HS6ST3: variants seen among roughly 807,000 people sequenced by gnomAD.
The protein encoded by HS6ST3 is heparan-sulfate 6-O-sulfotransferase 3.
In HS6ST3, 12 loss-of-function variants were observed where a neutral mutation model predicts 36.7. That is an observed-to-expected ratio of 0.33 (90% CI 0.21 to 0.53). The LOEUF (loss-of-function observed/expected upper bound fraction) is 0.53. HS6ST3 is among the 20% of genes least tolerant of loss of function. The pLI, the probability that HS6ST3 is intolerant of heterozygous loss-of-function variation, is 0.95. For missense variants in HS6ST3, 584 were observed against 640.9 expected, an observed-to-expected ratio of 0.91 and a Z score of 0.96; for synonymous variants, 240 against 257.5, an observed-to-expected ratio of 0.93 and a Z score of 0.65.
At chr13:96,774,825 C>T (rs1392418019) in intron 1 of HS6ST3, among the ~76,000 whole-genome samples, 1 of 152,108 alleles carries the variant, frequency 6.6e-6, no homozygotes, top group Non-Finnish European at 1.5e-5. Flanking sequence ...TCAGGAAATA[C>T]AGGGAACACT....
At chr13:96,794,189 C>T (rs1877857379) in intron 1 of HS6ST3, among the ~76,000 whole-genome samples, 1 of 152,040 alleles carries the variant, frequency 6.6e-6, no homozygotes, top group African/African-American at 2.4e-5. Context: ...AATCCAGATG[C>T]TTTAATATCA....
intron 1 of HS6ST3, among the ~76,000 whole-genome samples, chr13:96,495,976 C>T (rs1477880315): frequency 6.6e-6 from 1 of 152,208 alleles, no homozygotes; most frequent in Admixed American, 6.5e-5. Context: ...GTTGTAATCA[C>T]CGCCTCAACC....
At chr13:96,667,037 G>A (rs1194463973) in intron 1 of HS6ST3, among the ~76,000 whole-genome samples, 32 of 152,080 alleles carry the variant, frequency 2.1e-4, no homozygotes, top group Admixed American at 1.8e-3. Flanking sequence ...TTCAAGCCAA[G>A]ATAAACACCA....
At chr13:96,109,279 A>G (rs2053857129) in intron 1 of HS6ST3, among the ~76,000 whole-genome samples, 1 of 152,020 alleles carries the variant, frequency 6.6e-6, no homozygotes, top group Non-Finnish European at 1.5e-5. Context: ...GCTGGGCCCT[A>G]GTGTCTGGAA....
chr13:96,679,191 G>A (rs1304223222), intron 1 of HS6ST3, among the ~76,000 whole-genome samples: 1 of 150,494 alleles, frequency 6.6e-6, no homozygotes, highest in Admixed American at 6.7e-5. Context: ...TCTTCAGGTG[G>A]TGGTTGGGTA....
intron 1 of HS6ST3, among the ~76,000 whole-genome samples, chr13:96,405,728 C>A (rs573386454): frequency 7.2e-5 from 11 of 152,270 alleles, no homozygotes; most frequent in Admixed American, 6.5e-4. Context: ...TGATTGTTTT[C>A]CTTGGTGCAA....
At chr13:96,191,921 A>G (rs1326888482) in intron 1 of HS6ST3, among the ~76,000 whole-genome samples, 1 of 152,216 alleles carries the variant, frequency 6.6e-6, no homozygotes, top group Non-Finnish European at 1.5e-5. Context: ...AGAGTCAGGC[A>G]TATGGAAAGA....
chr13:96,312,688 A>G (rs2054947457), intron 1 of HS6ST3, among the ~76,000 whole-genome samples: 2 of 152,304 alleles, frequency 1.3e-5, no homozygotes, highest in African/African-American at 4.8e-5. Context: ...ACAGTGGCTC[A>G]TGCCTGTAAT....
At chr13:96,200,158 G>T (rs767742510) in intron 1 of HS6ST3, among the ~76,000 whole-genome samples, 1 of 152,132 alleles carries the variant, frequency 6.6e-6, no homozygotes, top group African/African-American at 2.4e-5. Context: ...AAAATGTCTG[G>T]CATAGTTGGA....
chr13:96,808,726 T>A (rs1878253295), intron 1 of HS6ST3, among the ~76,000 whole-genome samples: 1 of 152,142 alleles, frequency 6.6e-6, no homozygotes, highest in Non-Finnish European at 1.5e-5. Flanking sequence ...TTGGAAAGCA[T>A]AATTTCAAAA....
chr13:96,420,029 A>C (rs1411280838), intron 1 of HS6ST3, among the ~76,000 whole-genome samples: 1 of 152,204 alleles, frequency 6.6e-6, no homozygotes, highest in African/African-American at 2.4e-5. Context: ...TCATTCATAA[A>C]AATCCTGTAT....
rs1878904985 is a variant in HS6ST3 at position 96,835,571 on chromosome 13, AG to A, written c.*2375del. 1 of 150,940 alleles carries A rather than the reference AG, an allele frequency of 6.6e-6. No individual in the cohort carries two copies. Among genetic ancestry groups the A allele is most frequent in the African/African-American group, 2.5e-5 (1 of 40,620 alleles). The allele number at this position is 150,940 out of a possible 1,614,324, so 9.4% of individuals were successfully genotyped here. A position where few individuals can be genotyped will look rare whatever the true frequency, so the allele number is the denominator to read the frequency against. ...GATCTAATGTTCTGCCTAGAATAGC[AG>A]GACTGCAAATTATCCTTCTGCCTGC... On this transcript the variant is annotated 3_prime_UTR_variant, in exon 2 of 2. Transcript: ENST00000376705.
chr13:96,582,917 C>T (rs2056346931), intron 1 of HS6ST3, among the ~76,000 whole-genome samples: 1 of 151,890 alleles, frequency 6.6e-6, no homozygotes, highest in Admixed American at 6.6e-5. Context: ...AAGTATGTTC[C>T]AAATACTGCA....
At chr13:96,825,963 A>G (rs991807171) in intron 1 of HS6ST3, among the ~76,000 whole-genome samples, 2 of 152,196 alleles carry the variant, frequency 1.3e-5, no homozygotes, top group Non-Finnish European at 2.9e-5. Context: ...TTATGTTCTC[A>G]ACATTTCCTG....
intron 1 of HS6ST3, among the ~76,000 whole-genome samples, chr13:96,203,125 T>C (rs1261392194): frequency 6.6e-6 from 1 of 152,200 alleles, no homozygotes; most frequent in African/African-American, 2.4e-5. Context: ...CCTCTCACTT[T>C]CCATTTTAAG....
intron 1 of HS6ST3, among the ~76,000 whole-genome samples, chr13:96,572,033 G>A (rs1355783312): frequency 2.6e-5 from 4 of 152,220 alleles, no homozygotes; most frequent in Non-Finnish European, 5.9e-5. Flanking sequence ...GCCTAAGCCA[G>A]AAGACTGTGC....
intron 1 of HS6ST3, among the ~76,000 whole-genome samples, chr13:96,113,256 A>G (rs2053879109): frequency 6.6e-6 from 1 of 152,210 alleles, no homozygotes. Context: ...CCTCAAGGTC[A>G]CAGACTATCT....
At chr13:96,380,827 T>C (rs2055337286) in intron 1 of HS6ST3, among the ~76,000 whole-genome samples, 1 of 152,198 alleles carries the variant, frequency 6.6e-6, no homozygotes, top group African/African-American at 2.4e-5. Flanking sequence ...AACGACTGAG[T>C]TAGATTCTGT....
intron 1 of HS6ST3, among the ~76,000 whole-genome samples, chr13:96,800,877 A>G (rs1169762264): frequency 1.3e-5 from 2 of 152,096 alleles, no homozygotes; most frequent in Non-Finnish European, 2.9e-5. Context: ...TCAAAAAAAG[A>G]AAAAGAAAAA....
Sources: allele counts gnomAD v4.1 joint callset (sites outside exome capture counted in the v4.1 genomes callset), GRCh38; gene constraint gnomAD v4.1.1; transcripts MANE v1.5; gene names NCBI Gene and HGNC (gene_info 2026-07-23, HGNC 2026-07-21).